PREP: variants seen among roughly 807,000 people sequenced by gnomAD.
The protein encoded by PREP is dJ355L5.1 (prolyl endopeptidase).
Under a neutral mutation model 87.6 loss-of-function variants are expected in PREP, and 29 were observed. The observed-to-expected ratio is 0.33, with a 90% CI of 0.25 to 0.45. The LOEUF is 0.45. Ranked by LOEUF, PREP falls within the 20% of genes least tolerant of loss-of-function variation. The pLI is 1.00. For missense variants in PREP, 695 were observed against 886.5 expected (o/e 0.78, Z 2.74); for synonymous variants, 337 against 328.6 (o/e 1.03, Z -0.28).
intron 7 of PREP, among the ~76,000 whole-genome samples, chr6:105,345,866 A>G (rs962582315): frequency 6.6e-6 from 1 of 152,212 alleles, no homozygotes; most frequent in African/African-American, 2.4e-5. Context: ...AGAGGCCTAC[A>G]TTTGTAGCTC....
At chr6:105,343,372 T>C (rs1387272447) in intron 7 of PREP, among the ~76,000 whole-genome samples, 1 of 152,134 alleles carries the variant, frequency 6.6e-6, no homozygotes, top group Non-Finnish European at 1.5e-5. Flanking sequence ...ATACAAAAAT[T>C]AATTCAAGAT....
intron 7 of PREP, among the ~76,000 whole-genome samples, chr6:105,352,001 GAA>G (rs1220805315): frequency 2.0e-5 from 3 of 152,200 alleles, no homozygotes; most frequent in Non-Finnish European, 4.4e-5. Context: ...CTTGCTCAGA[GAA>G]GTTTAAAAAT....
chr6:105,273,458 T>C lies in PREP; in HGVS notation c.*4686A>G, dbSNP rs1363514303. On this transcript the variant is annotated 3_prime_UTR_variant, in exon 15 of 15. Coordinates refer to ENST00000652536, the MANE Select transcript of PREP (RefSeq NM_002726.5). ...AACTCCAGGTACCCACTAATCTACA[T>C]TCTATCTTTATAGAACTGCCTTTTC... 6.6e-6 allele frequency: 1 copy of C among 152,230 alleles called. No individual in the cohort carries two copies. Among genetic ancestry groups the C allele is most frequent in the Non-Finnish European group, 1.5e-5 (1 of 68,030 alleles). 9.4% of individuals were successfully genotyped at this position (152,230 alleles called of 1,614,324 possible).
chr6:105,332,215 T>C (rs1237442872), intron 8 of PREP, among the ~76,000 whole-genome samples: 1 of 152,036 alleles, frequency 6.6e-6, no homozygotes, highest in Non-Finnish European at 1.5e-5. Flanking sequence ...CCAAGGGACC[T>C]GCAGAAAAAA....
chr6:105,337,078 T>C (rs1771502484), intron 7 of PREP, among the ~76,000 whole-genome samples: 1 of 152,202 alleles, frequency 6.6e-6, no homozygotes, highest in Non-Finnish European at 1.5e-5. Flanking sequence ...GTTTATTGTT[T>C]AAAAGAAGCA....
chr6:105,376,003 C>T, intron 4 of PREP, 122 bp downstream of exon 4: 2 of 1,159,272 alleles, frequency 1.7e-6, no homozygotes, highest in Non-Finnish European at 2.4e-6. Context: ...ATTGTATGTG[C>T]ATCTGTTCCA....
chr6:105,344,928 T>C (rs1771758632), intron 7 of PREP, among the ~76,000 whole-genome samples: 1 of 152,216 alleles, frequency 6.6e-6, no homozygotes, highest in Admixed American at 6.5e-5. Context: ...GCATTAACCT[T>C]AGCCATAAAT....
intron 8 of PREP, among the ~76,000 whole-genome samples, chr6:105,330,305 C>G (rs746804429): frequency 2.0e-4 from 31 of 152,306 alleles, no homozygotes; most frequent in East Asian, 5.8e-4. Context: ...ACTATTGCAA[C>G]AAGCCGGGGA....
intron 7 of PREP, among the ~76,000 whole-genome samples, chr6:105,352,062 G>A (rs1003918732): frequency 6.6e-6 from 1 of 152,174 alleles, no homozygotes; most frequent in Non-Finnish European, 1.5e-5. Context: ...ATGTAACACA[G>A]ATTAGAAACT....
At chr6:105,366,614 T>C (rs1772391284) in intron 6 of PREP, among the ~76,000 whole-genome samples, 1 of 152,258 alleles carries the variant, frequency 6.6e-6, no homozygotes, top group African/African-American at 2.4e-5. Context: ...GCATGTGATA[T>C]ATTTCCACTC....
intron 10 of PREP, among the ~76,000 whole-genome samples, chr6:105,299,881 T>TC (rs1192142561): frequency 6.6e-6 from 1 of 150,834 alleles, no homozygotes; most frequent in African/African-American, 2.5e-5. Context: ...AGAGATGCTA[T>TC]CCCTTATTTG....
intron 7 of PREP, among the ~76,000 whole-genome samples, chr6:105,347,844 C>T (rs1353045510): frequency 1.3e-5 from 2 of 152,062 alleles, no homozygotes; most frequent in African/African-American, 4.8e-5. Flanking sequence ...GAGACTCCAT[C>T]TCTATTTTAT....
intron 1 of PREP, among the ~76,000 whole-genome samples, chr6:105,401,053 G>A (rs143519974): frequency 2.0e-5 from 3 of 152,298 alleles, no homozygotes; most frequent in African/African-American, 4.8e-5. Flanking sequence ...CCTTGGCCAC[G>A]AGGCTTAGAG....
chr6:105,379,952 C>A (rs1187983269), intron 2 of PREP, among the ~76,000 whole-genome samples: 1 of 152,150 alleles, frequency 6.6e-6, no homozygotes, highest in Non-Finnish European at 1.5e-5. Context: ...TCAGTGTTGG[C>A]CTGAACTGTT....
chr6:105,368,893 T>C lies in PREP; in HGVS notation c.717+10A>G, dbSNP rs1021509982. ...GTCTTTGGGGGTAAAATTTCACAGC[T>C]GTACAATACCTCAGCTCCACCCATC... is the stretch of plus-strand genomic sequence containing the variant. On this transcript the variant is annotated intron_variant, in intron 6 of 14. Transcript: ENST00000652536. 7 of 1,613,518 alleles carry C rather than the reference T, an allele frequency of 4.3e-6. No homozygotes were observed. Among genetic ancestry groups the C allele is most frequent in the Middle Eastern group, 1.6e-4 (1 of 6,078 alleles).
At chr6:105,380,463 C>T (rs959628164) in intron 2 of PREP, among the ~76,000 whole-genome samples, 4 of 152,096 alleles carry the variant, frequency 2.6e-5, no homozygotes, top group East Asian at 1.9e-4. Context: ...GAAAGATTAC[C>T]GTGCTTTGGA....
chr6:105,303,062 T>C lies in PREP; in HGVS notation c.1318-14168A>G, dbSNP rs1382358722. Among the ~76,000 whole-genome samples, 3 of 152,106 alleles carry C rather than the reference T, an allele frequency of 2.0e-5. No homozygotes were observed. The East Asian group carries it at 5.8e-4, about 29-fold the overall frequency. On this transcript the variant is annotated intron_variant, in intron 10 of 14. Transcript: ENST00000652536. ...AAACCTCCCTTTTAATCTAAGTCACTCTACTATTCAAAACAGGCAATGCCT... is the reference window on the plus strand; with the variant it reads ...AAACCTCCCTTTTAATCTAAGTCACCCTACTATTCAAAACAGGCAATGCCT...
rs202155075 is a variant in PREP at position 105,341,097 on chromosome 6, G to T, written c.824-7592C>A. Among the ~76,000 whole-genome samples the T allele has an allele frequency of 6.6e-5, 10 of 152,140 alleles. No individual in the cohort carries two copies. In the East Asian group the frequency reaches 1.9e-3, roughly 29 times the overall value. On this transcript the variant is annotated intron_variant, in intron 7 of 14. Coordinates refer to ENST00000652536, the MANE Select transcript of PREP (RefSeq NM_002726.5). ...ATCAACAGAATATAAATTCTTCTCA[G>T]CACATTGCACTTATTCCAAAATTGA...
chr6:105,316,674 T>G (rs1770878044), intron 10 of PREP, among the ~76,000 whole-genome samples: 1 of 152,208 alleles, frequency 6.6e-6, no homozygotes, highest in African/African-American at 2.4e-5. Context: ...CAGTAAAATC[T>G]CCATTAATAT....
Sources: gnomAD v4.1 joint callset for allele counts (sites outside exome capture counted in the v4.1 genomes callset) on GRCh38, gnomAD v4.1.1 for gene constraint, MANE v1.5 for transcripts, NCBI Gene and HGNC (gene_info 2026-07-23, HGNC 2026-07-21) for gene names.